The following SOX5 variants were observed in gnomAD, a reference collection of about 807,000 sequenced individuals.
The protein encoded by SOX5 is SRY-box transcription factor 5, also known as transcription factor SOX-5.
SOX5 carries 9 observed loss-of-function variants against 92.0 expected under a neutral mutation model. The observed-to-expected ratio is 0.10, with a 90% CI of 0.06 to 0.17. The LOEUF (loss-of-function observed/expected upper bound fraction) is 0.17. Ranked by LOEUF, SOX5 falls within the 10% of genes least tolerant of loss-of-function variation. SOX5 has a pLI of 1.00. For missense variants in SOX5, 642 were observed against 944.5 expected (o/e 0.68, Z 4.20); for synonymous variants, 344 against 336.3 (o/e 1.02, Z -0.25).
chr12:24,334,636 T>C (rs1284718104), intron 2 of SOX5, among the ~76,000 whole-genome samples: 1 of 152,184 alleles, frequency 6.6e-6, no homozygotes, highest in African/African-American at 2.4e-5. Flanking sequence ...TTGATTTAGT[T>C]CCAGTTCTAA....
At chr12:24,282,625 T>C (rs1207007916) in intron 2 of SOX5, among the ~76,000 whole-genome samples, 1 of 151,972 alleles carries the variant, frequency 6.6e-6, no homozygotes, top group Non-Finnish European at 1.5e-5. Flanking sequence ...CCTTAAGAGA[T>C]TTTTTAGTGT....
At chr12:23,809,143 A>G (rs1055280537) in intron 3 of SOX5, among the ~76,000 whole-genome samples, 1 of 152,118 alleles carries the variant, frequency 6.6e-6, no homozygotes, top group African/African-American at 2.4e-5. Flanking sequence ...ACACAAACTG[A>G]TATTTCTACG....
intron 1 of SOX5, among the ~76,000 whole-genome samples, chr12:24,438,435 A>C (rs770381747): frequency 6.6e-6 from 1 of 152,104 alleles, no homozygotes; most frequent in Non-Finnish European, 1.5e-5. Flanking sequence ...TATAGTTAAA[A>C]AAAATATACA....
chr12:23,646,246 C>T (rs2080834732), intron 7 of SOX5, among the ~76,000 whole-genome samples: 1 of 152,174 alleles, frequency 6.6e-6, no homozygotes, highest in Non-Finnish European at 1.5e-5. Flanking sequence ...GCAAACATTA[C>T]TCACTGCATC....
At chr12:24,342,524 A>G (rs1266740156) in intron 2 of SOX5, among the ~76,000 whole-genome samples, 1 of 152,186 alleles carries the variant, frequency 6.6e-6, no homozygotes, top group Admixed American at 6.5e-5. Context: ...CAAAGTCTGA[A>G]ACTTGACATA....
At chr12:24,533,742 G>A (rs1048369088) in intron 1 of SOX5, among the ~76,000 whole-genome samples, 1 of 152,038 alleles carries the variant, frequency 6.6e-6, no homozygotes, top group Non-Finnish European at 1.5e-5. Flanking sequence ...GCATGCTATT[G>A]TTTAAACACA....
At chr12:24,428,472 C>G (rs4274276) in intron 1 of SOX5, among the ~76,000 whole-genome samples, 1 of 151,956 alleles carries the variant, frequency 6.6e-6, no homozygotes, top group Non-Finnish European at 1.5e-5. Context: ...TTACATTTTT[C>G]TTTTAAAAAG....
intron 3 of SOX5, among the ~76,000 whole-genome samples, chr12:23,802,474 T>C (rs1176143629): frequency 1.3e-5 from 2 of 152,132 alleles, no homozygotes; most frequent in East Asian, 1.9e-4. Flanking sequence ...TTAAAAATAC[T>C]AGCCATCCCA....
chr12:23,937,633 T>C (rs1942866098), intron 1 of SOX5, among the ~76,000 whole-genome samples: 1 of 150,970 alleles, frequency 6.6e-6, no homozygotes, highest in Non-Finnish European at 1.5e-5. Context: ...GTTCTCATCC[T>C]AAGGGCCACT....
intron 1 of SOX5, among the ~76,000 whole-genome samples, chr12:24,371,174 A>T (rs1374011405): frequency 2.6e-5 from 4 of 152,230 alleles, no homozygotes. Context: ...TTGGCACACC[A>T]CTGATGTCTT....
At chr12:24,031,709 T>C in intron 4 of SOX5, among the ~76,000 whole-genome samples, 1 of 151,704 alleles carries the variant, frequency 6.6e-6, no homozygotes, top group East Asian at 1.9e-4. Context: ...GCCCTGTTTT[T>C]ACACATCCTA....
chr12:24,035,992 G>A (rs1215470354), intron 4 of SOX5, among the ~76,000 whole-genome samples: 3 of 151,976 alleles, frequency 2.0e-5, no homozygotes, highest in Non-Finnish European at 2.9e-5. Flanking sequence ...AGGTGTGTGG[G>A]TGTTTTTTTC....
In SOX5 at chr12:23,803,007, T is replaced by C. The variant is rs188658122; in HGVS notation, c.481+42976A>G. Among the ~76,000 whole-genome samples, 254 of 152,316 alleles carry C rather than the reference T, an allele frequency of 1.7e-3. 2 individuals carry two copies. Among genetic ancestry groups the C allele is most frequent in the African/African-American group, 5.3e-3 (222 of 41,568 alleles). On this transcript the variant is annotated intron_variant, in intron 3 of 14. Coordinates refer to ENST00000451604, the MANE Select transcript of SOX5 (RefSeq NM_006940.6). ...TTCAATCTTAACTTTCCTGAAATTA[T>C]TATTTCCTTGTTTTCCTTTTTCACT...
intron 1 of SOX5, among the ~76,000 whole-genome samples, chr12:24,475,820 G>A (rs1252016092): frequency 6.6e-6 from 1 of 151,916 alleles, no homozygotes; most frequent in African/African-American, 2.4e-5. Context: ...CATTCCTACA[G>A]AAAATTTAAA....
At chr12:24,317,307 T>C (rs942102165) in intron 2 of SOX5, among the ~76,000 whole-genome samples, 1 of 152,242 alleles carries the variant, frequency 6.6e-6, no homozygotes, top group Non-Finnish European at 1.5e-5. Context: ...TTGCAATTTT[T>C]TGAACATAAC....
At chr12:23,793,695 T>C (rs1239718040) in intron 3 of SOX5, among the ~76,000 whole-genome samples, 1 of 152,172 alleles carries the variant, frequency 6.6e-6, no homozygotes, top group Non-Finnish European at 1.5e-5. Flanking sequence ...AAAAATTAAA[T>C]GTCCATATAT....
At chr12:24,092,822 G>A (rs1287831247) in intron 4 of SOX5, among the ~76,000 whole-genome samples, 1 of 152,126 alleles carries the variant, frequency 6.6e-6, no homozygotes, top group African/African-American at 2.4e-5. Flanking sequence ...TTCTGGGCAT[G>A]TTTCTTGCTT....
chr12:24,095,158 CAG>C (rs1166075388), intron 4 of SOX5, among the ~76,000 whole-genome samples: 2 of 85,156 alleles, frequency 2.3e-5, no homozygotes, highest in Non-Finnish European at 5.4e-5. Context: ...GAGAGAGAGA[CAG>C]AGACAGAGAG....
intron 1 of SOX5, among the ~76,000 whole-genome samples, chr12:24,442,974 A>C: frequency 9.6e-6 from 1 of 104,280 alleles, no homozygotes; most frequent in East Asian, 2.7e-4. Context: ...TTTTTTTGAG[A>C]TGGAGTCTTG....
Sources: gnomAD v4.1 joint callset for allele counts (sites outside exome capture counted in the v4.1 genomes callset) on GRCh38, gnomAD v4.1.1 for gene constraint, MANE v1.5 for transcripts, NCBI Gene and HGNC (gene_info 2026-07-23, HGNC 2026-07-21) for gene names.